The following PLD5 variants were observed in gnomAD, a reference collection of about 807,000 sequenced individuals.
PLD5 encodes phospholipase D family member 5, also known as inactive phospholipase D5.
In PLD5, 36 loss-of-function variants were observed where a neutral mutation model predicts 61.1. The observed-to-expected ratio is 0.59, with a 90% CI of 0.45 to 0.78. PLD5 has a LOEUF of 0.78. Ranked by LOEUF, PLD5 falls within the 30% of genes least tolerant of loss-of-function variation. The pLI is 0.00. For synonymous variants in PLD5, 243 were observed against 242.8 expected (o/e 1.00, Z -0.01); for missense variants, 515 against 644.4 (o/e 0.80, Z 2.17).
intron 1 of PLD5, among the ~76,000 whole-genome samples, chr1:242,350,098 T>G (rs1363264693): frequency 6.6e-6 from 1 of 152,054 alleles, no homozygotes; most frequent in Non-Finnish European, 1.5e-5. Flanking sequence ...TTCTATCATG[T>G]GGGAATACAG....
intron 1 of PLD5, among the ~76,000 whole-genome samples, chr1:242,393,496 A>G (rs192587921): frequency 0.04 from 152 of 3,814 alleles, 11 homozygotes; most frequent in African/African-American, 0.18. Context: ...GAGTATATAT[A>G]TGTGTATATA....
chr1:242,371,521 C>T (rs1052187662), intron 1 of PLD5, among the ~76,000 whole-genome samples: 2 of 152,084 alleles, frequency 1.3e-5, no homozygotes, highest in Non-Finnish European at 2.9e-5. Flanking sequence ...CATCCCTTAT[C>T]CCCCTCCTTC....
intron 1 of PLD5, among the ~76,000 whole-genome samples, chr1:242,419,554 C>A (rs144491397): frequency 0.015 from 2,220 of 145,932 alleles, 62 homozygotes; most frequent in African/African-American, 0.054. Context: ...CACCACTACA[C>A]CCGGCTAAAT....
chr1:242,250,068 A>G (rs1486974372), intron 4 of PLD5, among the ~76,000 whole-genome samples: 1 of 152,212 alleles, frequency 6.6e-6, no homozygotes, highest in African/African-American at 2.4e-5. Context: ...CTAGGTCCCA[A>G]CCATGTCAGA....
intron 1 of PLD5, among the ~76,000 whole-genome samples, chr1:242,403,082 T>C (rs1664029633): frequency 6.6e-6 from 1 of 152,188 alleles, no homozygotes; most frequent in African/African-American, 2.4e-5. Flanking sequence ...ATGTGGAGGT[T>C]AGTTTTTCTT....
chr1:242,345,735 G>A (rs1660092815), intron 2 of PLD5: 4 of 669,330 alleles, frequency 6.0e-6, no homozygotes, highest in Non-Finnish European at 1.1e-5. Context: ...AAATTCAAAT[G>A]AGAATAATCC....
chr1:242,313,289 A>G (rs3863744), intron 2 of PLD5, among the ~76,000 whole-genome samples: 147,378 of 152,328 alleles, frequency 0.97, 71,422 homozygotes, highest in Non-Finnish European at 1. Flanking sequence ...TCAGTTGCCT[A>G]ATCTATGCTA....
chr1:242,338,507 C>G (rs1032329304), intron 2 of PLD5, among the ~76,000 whole-genome samples: 1 of 151,912 alleles, frequency 6.6e-6, no homozygotes. Context: ...GGAGAACAAA[C>G]CTGGTGGCAG....
At chr1:242,507,433 G>A (rs1668764652) in intron 1 of PLD5, among the ~76,000 whole-genome samples, 1 of 152,210 alleles carries the variant, frequency 6.6e-6, no homozygotes, top group Admixed American at 6.5e-5. Context: ...TTAGGAAGGT[G>A]CTGCACTGGA....
rs56224386 is a variant in PLD5, at chr1:242,175,254, C to T, written c.735+44734G>A. Reference sequence around the variant, plus strand: ...AGCATATGAAAAAGCGTATCCACCACGATCAAGTTGGCTTTGTCCCTAGGA... The same window carrying T: ...AGCATATGAAAAAGCGTATCCACCATGATCAAGTTGGCTTTGTCCCTAGGA... On this transcript the variant is annotated intron_variant, in intron 5 of 9. Coordinates refer to ENST00000536534, the MANE Select transcript of PLD5 (RefSeq NM_001372062.1). Among the ~76,000 whole-genome samples, 1,101 of 152,282 alleles carry T rather than the reference C, an allele frequency of 7.2e-3. 8 individuals are homozygous for T. The highest frequency in any genetic ancestry group is 0.012 in the Non-Finnish European group (821 of 68,030).
intron 4 of PLD5, among the ~76,000 whole-genome samples, chr1:242,263,436 T>C (rs1263254271): frequency 6.6e-6 from 1 of 151,152 alleles, no homozygotes; most frequent in African/African-American, 2.4e-5. Flanking sequence ...ATTTCTAAAA[T>C]GCACTGTGAT....
At chr1:242,294,726 G>A (rs1675553692) in intron 2 of PLD5, among the ~76,000 whole-genome samples, 1 of 152,214 alleles carries the variant, frequency 6.6e-6, no homozygotes, top group Non-Finnish European at 1.5e-5. Context: ...GTGACACGCT[G>A]TGCTCATTGC....
chr1:242,136,990 T>C (rs1341551924), intron 5 of PLD5, among the ~76,000 whole-genome samples: 3 of 152,146 alleles, frequency 2.0e-5, no homozygotes, highest in Non-Finnish European at 2.9e-5. Context: ...CTTATGCAAG[T>C]AGTTTACTAT....
chr1:242,433,194 C>T (rs1665813567), intron 1 of PLD5, among the ~76,000 whole-genome samples: 1 of 152,156 alleles, frequency 6.6e-6, no homozygotes, highest in African/African-American at 2.4e-5. Flanking sequence ...CAACAAGGCT[C>T]AATAGAGGGT....
At chr1:242,204,759 T>C (rs1669216128) in intron 5 of PLD5, among the ~76,000 whole-genome samples, 1 of 152,118 alleles carries the variant, frequency 6.6e-6, no homozygotes. Context: ...CGAATGGAAT[T>C]TAGGGATGTG....
At chr1:242,311,100 C>T (rs1215423399) in intron 2 of PLD5, among the ~76,000 whole-genome samples, 3 of 152,174 alleles carry the variant, frequency 2.0e-5, no homozygotes, top group Non-Finnish European at 2.9e-5. Context: ...ACAATCATAC[C>T]CTTACAATGA....
Position 242,132,165 on chromosome 1 carries a change from TG to T in PLD5, c.736-7501del, listed in dbSNP as rs1275323215. Reference sequence around the variant, plus strand: ...TTATTTTGTCAAAATTAGTGAAAGGTGGTCATCAAAGAGAATGCAGTGATTG... The same window carrying T: ...TTATTTTGTCAAAATTAGTGAAAGGTGTCATCAAAGAGAATGCAGTGATTG... On this transcript the variant is annotated intron_variant, in intron 5 of 9. Coordinates refer to ENST00000536534, the MANE Select transcript of PLD5 (RefSeq NM_001372062.1). 2.8e-5 allele frequency among the ~76,000 whole-genome samples: 3 copies of T among 108,948 alleles called. No homozygotes were observed. In the East Asian group the frequency reaches 8.3e-4, roughly 30 times the overall value. The allele number at this position is 108,948 out of a possible 152,430, so 71.5% of individuals were successfully genotyped here. A position where few individuals can be genotyped will look rare whatever the true frequency, so the allele number is the denominator to read the frequency against.
intron 5 of PLD5, among the ~76,000 whole-genome samples, chr1:242,218,489 A>G (rs905240410): frequency 3.9e-5 from 6 of 152,176 alleles, no homozygotes; most frequent in Admixed American, 6.5e-5. Context: ...CAATCCAGAG[A>G]TTAGTGAGTT....
intron 2 of PLD5, among the ~76,000 whole-genome samples, chr1:242,329,743 G>GT (rs1659053482): frequency 6.6e-6 from 1 of 152,192 alleles, no homozygotes; most frequent in South Asian, 2.1e-4. Context: ...CAGAGTTTGA[G>GT]TAAGTTCTCT....
Sources: gnomAD v4.1 joint callset for allele counts (sites outside exome capture counted in the v4.1 genomes callset) on GRCh38, gnomAD v4.1.1 for gene constraint, MANE v1.5 for transcripts, NCBI Gene and HGNC (gene_info 2026-07-23, HGNC 2026-07-21) for gene names.